AFG1L: variants seen among roughly 807,000 people sequenced by gnomAD.
AFG1L encodes AFG1-like ATPase.
A neutral mutation model predicts 62.2 loss-of-function variants in AFG1L; 53 were observed. The observed-to-expected ratio is 0.85, with a 90% CI of 0.68 to 1.07. The LOEUF is 1.07. Ranked by LOEUF, AFG1L falls within the 50% of genes least tolerant of loss-of-function variation. AFG1L has a pLI of 0.00. For missense variants in AFG1L, 555 were observed against 590.5 expected (o/e 0.94, Z 0.62); for synonymous variants, 228 against 210.3 (o/e 1.08, Z -0.73).
intron 8 of AFG1L, among the ~76,000 whole-genome samples, chr6:108,449,459 G>A (rs1430090546): frequency 1.3e-5 from 2 of 152,092 alleles, no homozygotes; most frequent in Non-Finnish European, 2.9e-5. Flanking sequence ...AATAATATGA[G>A]TTACTAAGAC....
chr6:108,333,176 G>A (rs993661834), intron 2 of AFG1L, among the ~76,000 whole-genome samples: 35 of 152,252 alleles, frequency 2.3e-4, no homozygotes, highest in East Asian at 9.7e-4. Flanking sequence ...TTGGGAGGCC[G>A]AGGCGGGCAG....
rs116294989 is a variant in AFG1L at position 108,394,769 on chromosome 6, T to C, written c.749-7227T>C. Among the ~76,000 whole-genome samples the C allele has an allele frequency of 5.0e-3, 769 of 152,330 alleles. 4 individuals are homozygous for C. Among genetic ancestry groups the C allele is most frequent in the African/African-American group, 0.018 (744 of 41,574 alleles). On this transcript the variant is annotated intron_variant, in intron 6 of 12. Transcript: ENST00000368977. Reference sequence around the variant, plus strand: ...TCTTCATGTGTTTGGTTATCCCAAATAAAGCTGCAGTTTTTAGCTTATTTA... The same window carrying C: ...TCTTCATGTGTTTGGTTATCCCAAACAAAGCTGCAGTTTTTAGCTTATTTA...
intron 8 of AFG1L, among the ~76,000 whole-genome samples, chr6:108,456,691 T>G (rs1246976985): frequency 6.6e-6 from 1 of 152,178 alleles, no homozygotes. Flanking sequence ...GGAATTTGCC[T>G]ATTTTATACA....
chr6:108,431,340 G>A (rs1469308469), intron 7 of AFG1L, among the ~76,000 whole-genome samples: 1 of 152,042 alleles, frequency 6.6e-6, no homozygotes, highest in African/African-American at 2.4e-5. Flanking sequence ...CTGACCTCAG[G>A]CGATCCGCCT....
chr6:108,394,980 ATC>A (rs1781225316), intron 6 of AFG1L, among the ~76,000 whole-genome samples: 1 of 152,188 alleles, frequency 6.6e-6, no homozygotes, highest in Non-Finnish European at 1.5e-5. Flanking sequence ...CTGCATTTGA[ATC>A]CTTTTACTCA....
intron 6 of AFG1L, among the ~76,000 whole-genome samples, chr6:108,370,904 G>A (rs911974495): frequency 2.0e-5 from 3 of 152,064 alleles, no homozygotes; most frequent in Non-Finnish European, 4.4e-5. Flanking sequence ...GGTAATTGGT[G>A]GTCATGTAAA....
chr6:108,316,741 C>G (rs1263979308), intron 1 of AFG1L, among the ~76,000 whole-genome samples: 2 of 151,912 alleles, frequency 1.3e-5, no homozygotes, highest in African/African-American at 4.8e-5. Flanking sequence ...ACCGTGTTAG[C>G]CGGGATGGTC....
rs540287974 is a variant in AFG1L at position 108,358,136 on chromosome 6, G to A, written c.648+1316G>A. Among the ~76,000 whole-genome samples, 94 of 152,280 alleles carry A rather than the reference G, an allele frequency of 6.2e-4. 1 individual carries two copies. Among genetic ancestry groups the A allele is most frequent in the African/African-American group, 1.7e-3 (71 of 41,570 alleles). On this transcript the variant is annotated intron_variant, in intron 5 of 12. Transcript: ENST00000368977. ...TGCAGGAGAAGGGCCTCATTGAGTCGTTTGAAAAAGCACTGACTTAACAGT... is the reference window on the plus strand; with the variant it reads ...TGCAGGAGAAGGGCCTCATTGAGTCATTTGAAAAAGCACTGACTTAACAGT...
intron 10 of AFG1L, among the ~76,000 whole-genome samples, chr6:108,506,890 CT>C (rs1234131035): frequency 1.3e-5 from 2 of 152,092 alleles, no homozygotes; most frequent in South Asian, 2.1e-4. Context: ...TTTATCTTTC[CT>C]ATTTATTATT....
At chr6:108,362,236 G>A (rs1293831752) in intron 5 of AFG1L, among the ~76,000 whole-genome samples, 1 of 152,004 alleles carries the variant, frequency 6.6e-6, no homozygotes, top group Non-Finnish European at 1.5e-5. Context: ...AAAAAATGGT[G>A]TCTTGTTTTA....
chr6:108,509,860 A>T (rs932676205), intron 10 of AFG1L, among the ~76,000 whole-genome samples: 4 of 152,254 alleles, frequency 2.6e-5, no homozygotes, highest in African/African-American at 9.6e-5. Context: ...CTCTGAGGGT[A>T]CACTACTTTT....
At chr6:108,331,922 T>C (rs1319080669) in intron 2 of AFG1L, among the ~76,000 whole-genome samples, 1 of 152,160 alleles carries the variant, frequency 6.6e-6, no homozygotes, top group Non-Finnish European at 1.5e-5. Context: ...CTTTCCTTTT[T>C]CTCCTGCCCT....
At chr6:108,450,203 T>C (rs1182956000) in intron 8 of AFG1L, among the ~76,000 whole-genome samples, 1 of 152,232 alleles carries the variant, frequency 6.6e-6, no homozygotes, top group African/African-American at 2.4e-5. Context: ...GTTGAACTAG[T>C]TTACATTCCC....
chr6:108,410,050 A>T (rs1782030767), intron 7 of AFG1L, among the ~76,000 whole-genome samples: 1 of 152,180 alleles, frequency 6.6e-6, no homozygotes, highest in Admixed American at 6.6e-5. Flanking sequence ...TCACACCTGT[A>T]ATCCTAGCAC....
chr6:108,505,218 CGA>C (rs1187426701), intron 10 of AFG1L, among the ~76,000 whole-genome samples: 1 of 152,002 alleles, frequency 6.6e-6, no homozygotes, highest in Non-Finnish European at 1.5e-5. Context: ...CTCAGCCTCC[CGA>C]GTAGCTGGGA....
chr6:108,410,380 A>C (rs1782044129), intron 7 of AFG1L, among the ~76,000 whole-genome samples: 2 of 152,184 alleles, frequency 1.3e-5, no homozygotes, highest in African/African-American at 4.8e-5. Flanking sequence ...AGAATCTTAC[A>C]ATCATATGGA....
intron 9 of AFG1L, 23 bp downstream of exon 9, chr6:108,476,958 A>G: frequency 6.3e-7 from 1 of 1,591,902 alleles, no homozygotes. Flanking sequence ...ATTTCTCTTG[A>G]AAGAGAATAC....
At chr6:108,445,513 T>C (rs1337491388) in intron 7 of AFG1L, among the ~76,000 whole-genome samples, 1 of 152,176 alleles carries the variant, frequency 6.6e-6, no homozygotes, top group Non-Finnish European at 1.5e-5. Flanking sequence ...TTCTAGCTTT[T>C]GGTTGAGAGT....
chr6:108,446,491 CTTT>C (rs1184074963), intron 7 of AFG1L, among the ~76,000 whole-genome samples: 2 of 122,290 alleles, frequency 1.6e-5, no homozygotes, highest in African/African-American at 7.0e-5. Flanking sequence ...CTCTCTCTCT[CTTT>C]TTTTTTTTTT....
Sources: allele counts gnomAD v4.1 joint callset (sites outside exome capture counted in the v4.1 genomes callset), GRCh38; gene constraint gnomAD v4.1.1; transcripts MANE v1.5; gene names NCBI Gene and HGNC (gene_info 2026-07-23, HGNC 2026-07-21).